Variants in DSCAM observed in about 807,000 individuals in gnomAD.
The protein encoded by DSCAM is cell adhesion molecule DSCAM.
Under a neutral mutation model 217.7 loss-of-function variants are expected in DSCAM, and 47 were observed. The observed-to-expected ratio is 0.22, with a 90% CI of 0.17 to 0.28. The LOEUF (loss-of-function observed/expected upper bound fraction) is 0.28, where lower values mean the gene tolerates loss of function less well. Ranked by LOEUF, DSCAM falls within the 10% of genes least tolerant of loss-of-function variation. The pLI, the probability that DSCAM is intolerant of heterozygous loss-of-function variation, is 1.00. For synonymous variants in DSCAM, 1,056 were observed against 1,015.3 expected (o/e 1.04, Z -0.76); for missense variants, 2,080 against 2,618.3 (o/e 0.79, Z 4.49).
At chr21:40,332,607 G>A (rs2074388847) in intron 8 of DSCAM, among the ~76,000 whole-genome samples, 1 of 152,156 alleles carries the variant, frequency 6.6e-6, no homozygotes. Context: ...CCTAAAATGG[G>A]AAAGACAAAG....
At chr21:40,518,174 T>C (rs920538666) in intron 3 of DSCAM, among the ~76,000 whole-genome samples, 13 of 147,480 alleles carry the variant, frequency 8.8e-5, no homozygotes, top group African/African-American at 1.3e-4. Context: ...TCCAATTCAA[T>C]AGGAATCTGT....
At chr21:40,015,034 T>G (rs926979678) in intron 32 of DSCAM, among the ~76,000 whole-genome samples, 1 of 152,170 alleles carries the variant, frequency 6.6e-6, no homozygotes, top group African/African-American at 2.4e-5. Context: ...GATCCTTTTC[T>G]CTGTCTTTCC....
chr21:40,038,959 T>C (rs989904498), intron 32 of DSCAM, among the ~76,000 whole-genome samples: 3 of 140,470 alleles, frequency 2.1e-5, no homozygotes, highest in Non-Finnish European at 3.0e-5. Flanking sequence ...TAGGTGGGAA[T>C]TGAACAATGA....
intron 28 of DSCAM, among the ~76,000 whole-genome samples, chr21:40,056,999 C>T (rs2089035880): frequency 6.6e-6 from 1 of 152,122 alleles, no homozygotes; most frequent in Non-Finnish European, 1.5e-5. Context: ...TTTAATTATC[C>T]CAAAGTGAAG....
At chr21:40,190,423 A>C (rs560189780) in intron 11 of DSCAM, among the ~76,000 whole-genome samples, 4 of 152,340 alleles carry the variant, frequency 2.6e-5, no homozygotes, top group African/African-American at 9.6e-5. Flanking sequence ...GAGAGGCATG[A>C]CATTAAATAT....
intron 3 of DSCAM, among the ~76,000 whole-genome samples, chr21:40,577,706 G>A (rs904960161): frequency 6.6e-6 from 1 of 152,178 alleles, no homozygotes; most frequent in South Asian, 2.1e-4. Flanking sequence ...GGGGAGGGGG[G>A]TCTAGTTAGA....
chr21:40,672,204 A>C (rs1375638993), intron 3 of DSCAM, among the ~76,000 whole-genome samples: 1 of 152,046 alleles, frequency 6.6e-6, no homozygotes, highest in Admixed American at 6.6e-5. Context: ...ATTGGGGGTT[A>C]GGGCTTCAAC....
intron 8 of DSCAM, among the ~76,000 whole-genome samples, chr21:40,312,758 C>G (rs1353982984): frequency 6.6e-6 from 1 of 152,150 alleles, no homozygotes; most frequent in Non-Finnish European, 1.5e-5. Context: ...AATTACTGTT[C>G]CCCTTCTAAT....
At chr21:40,122,733 A>G (rs1192336651) in intron 20 of DSCAM, among the ~76,000 whole-genome samples, 2 of 152,168 alleles carry the variant, frequency 1.3e-5, no homozygotes, top group Non-Finnish European at 2.9e-5. Flanking sequence ...ACGTTTACAT[A>G]TTGACTTCAA....
intron 11 of DSCAM, among the ~76,000 whole-genome samples, chr21:40,239,598 G>A (rs985734719): frequency 2.6e-5 from 4 of 152,138 alleles, no homozygotes; most frequent in Admixed American, 2.0e-4. Context: ...TTCTATGCTG[G>A]GAAGATATGA....
chr21:40,032,429 T>C (rs2088544205), intron 32 of DSCAM, among the ~76,000 whole-genome samples: 1 of 152,092 alleles, frequency 6.6e-6, no homozygotes, highest in South Asian at 2.1e-4. Context: ...GATCACAATA[T>C]TGATGAGCTC....
chr21:40,601,333 G>A (rs2077060409), intron 3 of DSCAM, among the ~76,000 whole-genome samples: 1 of 152,118 alleles, frequency 6.6e-6, no homozygotes, highest in African/African-American at 2.4e-5. Context: ...TGGTACATTG[G>A]AAAGCAATTG....
At chr21:40,748,505 A>G (rs910274926) in intron 1 of DSCAM, among the ~76,000 whole-genome samples, 1 of 152,034 alleles carries the variant, frequency 6.6e-6, no homozygotes, top group Non-Finnish European at 1.5e-5. Context: ...TATAAATAAA[A>G]TGCCTATAAA....
chr21:40,836,051 G>A (rs1027235241), intron 1 of DSCAM, among the ~76,000 whole-genome samples: 5 of 152,332 alleles, frequency 3.3e-5, no homozygotes, highest in African/African-American at 1.2e-4. Flanking sequence ...ACAAAGGAAT[G>A]TGCAGCATCC....
At chr21:40,845,315 T>G (rs2092135082) in intron 1 of DSCAM, among the ~76,000 whole-genome samples, 1 of 152,186 alleles carries the variant, frequency 6.6e-6, no homozygotes, top group South Asian at 2.1e-4. Flanking sequence ...TTAGTCACCG[T>G]TTTTTTAAAA....
At chr21:40,217,980 C>T (rs562796808) in intron 11 of DSCAM, among the ~76,000 whole-genome samples, 4 of 152,112 alleles carry the variant, frequency 2.6e-5, no homozygotes, top group Non-Finnish European at 5.9e-5. Context: ...ATTTCTTTTG[C>T]TATGCAGAAG....
intron 3 of DSCAM, among the ~76,000 whole-genome samples, chr21:40,376,769 A>C (rs2074968194): frequency 6.6e-6 from 1 of 150,632 alleles, no homozygotes; most frequent in South Asian, 2.1e-4. Context: ...TGAACGAGCT[A>C]CAGATATTTC....
Position 40,357,724 on chromosome 21 carries a change from G to T in DSCAM, c.656-3981C>A, listed in dbSNP as rs146673812. ...CAGGGCCTGTTGTGGGGTGCGGGGA[G>T]GGGGGAGAGATAGCATTAGGAGATA... is the stretch of plus-strand genomic sequence containing the variant. On this transcript the variant is annotated intron_variant, in intron 4 of 32. Transcript: ENST00000400454. Among the ~76,000 whole-genome samples the T allele has an allele frequency of 3.1e-3, 477 of 152,126 alleles. 1 individual carries two copies. Among genetic ancestry groups the T allele is most frequent in the African/African-American group, 0.011 (452 of 41,502 alleles).
At chr21:40,443,114 A>G (rs2075646265) in intron 3 of DSCAM, among the ~76,000 whole-genome samples, 1 of 152,232 alleles carries the variant, frequency 6.6e-6, no homozygotes, top group African/African-American at 2.4e-5. Flanking sequence ...GTTGATAAAA[A>G]TCTATATTAG....
Sources: allele counts gnomAD v4.1 joint callset (sites outside exome capture counted in the v4.1 genomes callset), GRCh38; gene constraint gnomAD v4.1.1; transcripts MANE v1.5; gene names NCBI Gene and HGNC (gene_info 2026-07-23, HGNC 2026-07-21).